The following PDE3B variants were observed in gnomAD, a reference collection of about 807,000 sequenced individuals.
PDE3B encodes the protein cGMP-inhibited 3',5'-cyclic phosphodiesterase 3B.
PDE3B carries 66 observed loss-of-function variants against 116.8 expected under a neutral mutation model. The observed-to-expected ratio is 0.56, with a 90% CI of 0.46 to 0.69. PDE3B has a LOEUF of 0.69. Among genes scored for constraint, PDE3B ranks in the 30% least tolerant of loss-of-function variants. PDE3B has a pLI of 0.00. For missense variants in PDE3B, 1,384 were observed against 1,368.1 expected, an observed-to-expected ratio of 1.01 and a Z score of -0.18; for synonymous variants, 595 against 533.6, an observed-to-expected ratio of 1.12 and a Z score of -1.59.
intron 1 of PDE3B, among the ~76,000 whole-genome samples, chr11:14,708,993 A>G (rs1855616922): frequency 6.6e-6 from 1 of 152,194 alleles, no homozygotes; most frequent in Non-Finnish European, 1.5e-5. Flanking sequence ...AAATGTAGCT[A>G]TATCTCATTG....
At chr11:14,664,024 C>A (rs535038075) in intron 1 of PDE3B, among the ~76,000 whole-genome samples, 2 of 152,282 alleles carry the variant, frequency 1.3e-5, no homozygotes, top group South Asian at 4.2e-4. Flanking sequence ...AAGTAAAGCT[C>A]TCCTCAGCAA....
At chr11:14,657,833 T>A (rs1853761320) in intron 1 of PDE3B, among the ~76,000 whole-genome samples, 2 of 152,286 alleles carry the variant, frequency 1.3e-5, no homozygotes, top group Non-Finnish European at 2.9e-5. Flanking sequence ...TCTCAAAAAA[T>A]AACACCCAAA....
At chr11:14,857,152 T>TA (rs1473690747) in intron 12 of PDE3B, among the ~76,000 whole-genome samples, 1 of 152,158 alleles carries the variant, frequency 6.6e-6, no homozygotes, top group Non-Finnish European at 1.5e-5. Flanking sequence ...TGCCAAAGTA[T>TA]TGATGTATTT....
intron 1 of PDE3B, among the ~76,000 whole-genome samples, chr11:14,695,044 C>T (rs888867727): frequency 6.6e-6 from 1 of 152,042 alleles, no homozygotes; most frequent in African/African-American, 2.4e-5. Context: ...CTTTGTTCAC[C>T]CTTTGAGTCA....
At chr11:14,820,840 G>A (rs947468214) in intron 7 of PDE3B, among the ~76,000 whole-genome samples, 1 of 152,148 alleles carries the variant, frequency 6.6e-6, no homozygotes, top group Non-Finnish European at 1.5e-5. Flanking sequence ...CAGACGTCCA[G>A]CTTCCCTAAC....
At chr11:14,886,493 C>A in the PDE3B span, 2 of 154,010 alleles carry the variant, frequency 1.3e-5, no homozygotes, top group African/African-American at 2.4e-5. Flanking sequence ...GGGAACCTAA[C>A]CTTGGAGGAA....
At chr11:14,862,290 T>G (rs1847965951) in intron 14 of PDE3B, among the ~76,000 whole-genome samples, 1 of 152,194 alleles carries the variant, frequency 6.6e-6, no homozygotes, top group South Asian at 2.1e-4. Context: ...CCTGACTACT[T>G]TCTATAACAA....
chr11:14,875,696 T>C (rs1848182046), downstream of PDE3B, among the ~76,000 whole-genome samples: 1 of 152,122 alleles, frequency 6.6e-6, no homozygotes, highest in Non-Finnish European at 1.5e-5. Context: ...GCCTTATAAA[T>C]AGTAAAGCAT....
intron 5 of PDE3B, among the ~76,000 whole-genome samples, chr11:14,814,017 T>C (rs114836244): frequency 2.9e-4 from 44 of 152,326 alleles, no homozygotes; most frequent in African/African-American, 9.1e-4. Context: ...TATGGTCATC[T>C]TAATTGGTAC....
chr11:14,764,254 C>T (rs1175823201), intron 1 of PDE3B, among the ~76,000 whole-genome samples: 2 of 152,080 alleles, frequency 1.3e-5, no homozygotes, highest in Non-Finnish European at 2.9e-5. Flanking sequence ...AAGAAATAAC[C>T]TTGATCTCTC....
At chr11:14,763,633 C>T (rs1005622862) in intron 1 of PDE3B, among the ~76,000 whole-genome samples, 10 of 151,922 alleles carry the variant, frequency 6.6e-5, no homozygotes, top group Admixed American at 5.3e-4. Context: ...AAGAGGGAAT[C>T]GAATCTACTA....
intron 2 of PDE3B, among the ~76,000 whole-genome samples, chr11:14,779,597 C>A (rs138788590): frequency 1.3e-5 from 2 of 152,098 alleles, no homozygotes; most frequent in Non-Finnish European, 2.9e-5. Context: ...GAAATAAAAT[C>A]CTTTACAGAC....
chr11:14,776,958 G>A (rs1857805963), intron 2 of PDE3B, among the ~76,000 whole-genome samples: 1 of 151,772 alleles, frequency 6.6e-6, no homozygotes, highest in African/African-American at 2.4e-5. Context: ...TATCTGGCAA[G>A]GATTTTTAAA....
Position 14,644,792 on chromosome 11 carries a change from G to C in PDE3B, c.717G>C (p.Ser239=), listed in dbSNP as rs755439667. Residue 239 remains serine, a synonymous_variant, in exon 1 of 16, where the codon TCG becomes TCC. Transcript: ENST00000282096. The part of the protein sequence containing the change: ...VWWVSFTSLG[S]LPSALRPLLS... ...GGGTCTCCTTCACCAGCCTCGGGTCGCTGCCCTCCGCCCTCAGGCCGCTGC... is the reference window on the plus strand; with the variant it reads ...GGGTCTCCTTCACCAGCCTCGGGTCCCTGCCCTCCGCCCTCAGGCCGCTGC... 15 of 1,609,860 alleles carry C rather than the reference G, an allele frequency of 9.3e-6. No individual in the cohort carries two copies. Among genetic ancestry groups the C allele is most frequent in the South Asian group, 2.2e-5 (2 of 90,628 alleles).
chr11:14,708,780 A>G (rs1855609073), intron 1 of PDE3B, among the ~76,000 whole-genome samples: 1 of 151,886 alleles, frequency 6.6e-6, no homozygotes, highest in African/African-American at 2.4e-5. Flanking sequence ...AATTATATAT[A>G]TATATAGAGA....
chr11:14,804,130 A>G lies in PDE3B; in HGVS notation c.1522+80A>G, dbSNP rs868601413. 278 of 748,600 alleles carry G rather than the reference A, an allele frequency of 3.7e-4. 1 individual carries two copies. The African/African-American group carries it at 4.2e-3, about 11-fold the overall frequency. The allele number at this position is 748,600 out of a possible 1,614,324, so 46.4% of individuals were successfully genotyped here. A position where few individuals can be genotyped will look rare whatever the true frequency, so the allele number is the denominator to read the frequency against. ...TGTAAACACTTTTCATCACATATTT[A>G]TAGCTAATTTTGAATACAATTTCAT... On this transcript the variant is annotated intron_variant, in intron 5 of 15. Transcript: ENST00000282096.
the PDE3B span, among the ~76,000 whole-genome samples, chr11:14,890,713 A>G: frequency 6.6e-6 from 1 of 151,498 alleles, no homozygotes; most frequent in Non-Finnish European, 1.5e-5. Flanking sequence ...CGCCCGGCTA[A>G]TTTTTTGTAT....
intron 1 of PDE3B, among the ~76,000 whole-genome samples, chr11:14,729,787 G>C (rs979038413): frequency 6.6e-6 from 1 of 152,118 alleles, no homozygotes; most frequent in African/African-American, 2.4e-5. Flanking sequence ...ATTTAATGGA[G>C]TGTTCAAATA....
At chr11:14,876,775 CA>C (rs1411968642), downstream of PDE3B, among the ~76,000 whole-genome samples, 2 of 152,066 alleles carry the variant, frequency 1.3e-5, no homozygotes, top group African/African-American at 4.8e-5. Context: ...ATCTGGAAGG[CA>C]AAATTCAGAG....
Sources: allele counts gnomAD v4.1 joint callset (sites outside exome capture counted in the v4.1 genomes callset), GRCh38; gene constraint gnomAD v4.1.1; transcripts MANE v1.5; gene names NCBI Gene and HGNC (gene_info 2026-07-23, HGNC 2026-07-21).